Variants in KLHL5 observed in about 807,000 individuals in gnomAD.
KLHL5 encodes kelch-like protein 5.
Under a neutral mutation model 77.7 loss-of-function variants are expected in KLHL5, and 48 were observed. The observed-to-expected ratio is 0.62, with a 90% CI of 0.49 to 0.79. The LOEUF (loss-of-function observed/expected upper bound fraction) is 0.79, where lower values mean the gene tolerates loss of function less well. KLHL5 is among the 30% of genes least tolerant of loss of function. The pLI is 0.00. For synonymous variants in KLHL5, 260 were observed against 297.0 expected, an observed-to-expected ratio of 0.88 and a Z score of 1.28; for missense variants, 723 against 859.7, an observed-to-expected ratio of 0.84 and a Z score of 1.99.
chr4:39,068,301 CAGA>C (rs1169239175), intron 1 of KLHL5, among the ~76,000 whole-genome samples: 3 of 152,004 alleles, frequency 2.0e-5, no homozygotes, highest in South Asian at 2.1e-4. Context: ...CCAGGGATAG[CAGA>C]AGAAGTTTAT....
Position 39,116,929 on chromosome 4 carries a change from C to T in KLHL5, c.2073+1599C>T, listed in dbSNP as rs1038105403. On this transcript the variant is annotated intron_variant, in intron 10 of 10. Coordinates refer to ENST00000504108, the MANE Select transcript of KLHL5 (RefSeq NM_015990.5). The stretch of plus-strand genomic sequence containing the variant: ...TCAGCTCACTGCAACCTTCACCTCC[C>T]GCATTCAAGAGATTCCCCTGCCTCA... 5.9e-5 allele frequency among the ~76,000 whole-genome samples: 9 copies of T among 152,238 alleles called. 1 individual carries two copies. Among genetic ancestry groups the T allele is most frequent in the Middle Eastern group, 3.4e-3 (1 of 294 alleles).
the KLHL5 span, among the ~76,000 whole-genome samples, chr4:39,139,580 A>G: frequency 6.6e-6 from 1 of 152,180 alleles, no homozygotes; most frequent in Non-Finnish European, 1.5e-5. Context: ...CTCAGTTGTA[A>G]CAAATGTAGC....
At chr4:39,135,691 G>A in the KLHL5 span, 1 of 152,314 alleles carries the variant, frequency 6.6e-6, no homozygotes, top group African/African-American at 2.4e-5. Flanking sequence ...ATCACCTGAA[G>A]TCAGGAGTTC....
the KLHL5 span, among the ~76,000 whole-genome samples, chr4:39,142,365 A>G: frequency 6.6e-6 from 1 of 151,752 alleles, no homozygotes; most frequent in Non-Finnish European, 1.5e-5. Context: ...ATTGCACTCC[A>G]GCTGAGCGAC....
At position 39,103,763 on chromosome 4, in the gene KLHL5, C is replaced by T. The variant is rs187117390; in HGVS notation, c.1525+252C>T. Among the ~76,000 whole-genome samples the T allele has an allele frequency of 9.9e-5, 15 of 151,906 alleles. No homozygotes were observed. The East Asian group carries it at 2.7e-3, about 27-fold the overall frequency. On this transcript the variant is annotated intron_variant, in intron 7 of 10. Transcript: ENST00000504108. ...ATTGCTTGAGCCTAGGAGTTCAAGA[C>T]CATCCTGGGCAACATAGGAAAAAAG...
the KLHL5 span, among the ~76,000 whole-genome samples, chr4:39,143,034 G>T: frequency 2.6e-5 from 4 of 151,888 alleles, no homozygotes; most frequent in Non-Finnish European, 5.9e-5. Flanking sequence ...AGTGTATAAA[G>T]TTACACACAC....
chr4:39,071,624 C>T (rs913108299), intron 1 of KLHL5, among the ~76,000 whole-genome samples: 1 of 152,184 alleles, frequency 6.6e-6, no homozygotes, highest in African/African-American at 2.4e-5. Flanking sequence ...CAAATCCCTT[C>T]ACTAGGGAAT....
At chr4:39,056,473 A>G (rs1362896777) in intron 1 of KLHL5, among the ~76,000 whole-genome samples, 1 of 152,254 alleles carries the variant, frequency 6.6e-6, no homozygotes, top group Non-Finnish European at 1.5e-5. Flanking sequence ...TGTTTTTAAC[A>G]AAGTGAAAGA....
chr4:39,133,594 TA>T, the KLHL5 span, among the ~76,000 whole-genome samples: 4 of 150,842 alleles, frequency 2.7e-5, no homozygotes, highest in African/African-American at 7.3e-5. Flanking sequence ...AGTTTTTAAT[TA>T]AAAAAAAATT....
chr4:39,097,369 T>A (rs1370136732), intron 6 of KLHL5, among the ~76,000 whole-genome samples: 1 of 152,202 alleles, frequency 6.6e-6, no homozygotes, highest in Non-Finnish European at 1.5e-5. Context: ...GAGAACAAGA[T>A]AGTCTAAAAG....
intron 7 of KLHL5, 40 bp downstream of exon 7, chr4:39,103,551 G>A: frequency 6.7e-7 from 1 of 1,487,900 alleles, no homozygotes; most frequent in Non-Finnish European, 9.4e-7. Flanking sequence ...ATATCACATA[G>A]CTCCCACGGC....
chr4:39,048,493 T>A (rs1716371711), intron 1 of KLHL5, among the ~76,000 whole-genome samples: 1 of 152,154 alleles, frequency 6.6e-6, no homozygotes, highest in Non-Finnish European at 1.5e-5. Context: ...CAGCAAAGAT[T>A]TTTTTCTGTT....
At chr4:39,136,046 G>A in the KLHL5 span, among the ~76,000 whole-genome samples, 223 of 148,732 alleles carry the variant, frequency 1.5e-3, no homozygotes, top group African/African-American at 5.1e-3. Context: ...GTGTGAGATC[G>A]CCACTATGTT....
chr4:39,060,985 T>C (rs1287562261), upstream of KLHL5, among the ~76,000 whole-genome samples: 1 of 152,228 alleles, frequency 6.6e-6, no homozygotes, highest in Non-Finnish European at 1.5e-5. Flanking sequence ...TTCCCACTTC[T>C]TCCTTGTAGA....
chr4:39,076,338 T>C (rs16995093), intron 2 of KLHL5, among the ~76,000 whole-genome samples, 191 bp downstream of exon 2: 4,338 of 152,284 alleles, frequency 0.028, 181 homozygotes, highest in African/African-American at 0.098. Flanking sequence ...ATTTTCCTGC[T>C]GTAGAAGCAC....
chr4:39,074,915 T>A (rs1222644793), intron 1 of KLHL5, among the ~76,000 whole-genome samples: 1 of 152,168 alleles, frequency 6.6e-6, no homozygotes, highest in Non-Finnish European at 1.5e-5. Context: ...GATTACTTGA[T>A]TTAAGTGATC....
chr4:39,062,061 A>G (rs1717464444), upstream of KLHL5, among the ~76,000 whole-genome samples: 3 of 152,218 alleles, frequency 2.0e-5, 1 homozygote, highest in African/African-American at 7.2e-5. Flanking sequence ...TAATTTTACA[A>G]ATGCTTTTTT....
rs571808409 is a variant in KLHL5, at chr4:39,045,308, C to T, written c.-95+212C>T. On this transcript the variant is annotated intron_variant, in intron 1 of 11. Coordinates refer to the KLHL5 transcript ENST00000261425. ...CGCACACCGCGCCCGGGGCTCGAAC[C>T]CCGGCCCGGCCTCCCCGCTGCGCAC... Among the ~76,000 whole-genome samples, 48 of 150,692 alleles carry T rather than the reference C, an allele frequency of 3.2e-4. No homozygotes were observed. The South Asian group carries it at 9.1e-3, about 29-fold the overall frequency.
intron 1 of KLHL5, among the ~76,000 whole-genome samples, chr4:39,047,621 T>A (rs1448531220): frequency 6.6e-6 from 1 of 152,230 alleles, no homozygotes; most frequent in Non-Finnish European, 1.5e-5. Context: ...TTCTTTCACA[T>A]TTCTTCATTG....
Sources: gnomAD v4.1 joint callset for allele counts (sites outside exome capture counted in the v4.1 genomes callset) on GRCh38, gnomAD v4.1.1 for gene constraint, MANE v1.5 for transcripts, NCBI Gene and HGNC (gene_info 2026-07-23, HGNC 2026-07-21) for gene names.